GALNT13: variants seen among roughly 807,000 people sequenced by gnomAD.
GALNT13 encodes UDP-GalNAc:polypeptide N-acetylgalactosaminyltransferase 13.
In GALNT13, 28 loss-of-function variants were observed where a neutral mutation model predicts 64.2. The ratio of observed to expected loss-of-function variants is 0.44; its 90% CI spans 0.32 to 0.60. The LOEUF (loss-of-function observed/expected upper bound fraction) is 0.60, where lower values mean the gene tolerates loss of function less well. GALNT13 is among the 20% of genes least tolerant of loss of function. The probability of loss-of-function intolerance (pLI) is 0.05; values close to 1 mark genes in which losing one functional copy is unlikely to be tolerated. For missense variants in GALNT13, 577 were observed against 669.8 expected (o/e 0.86, Z 1.53); for synonymous variants, 214 against 224.6 (o/e 0.95, Z 0.42).
intron 4 of GALNT13, among the ~76,000 whole-genome samples, chr2:154,159,847 A>G (rs994083255): frequency 1.3e-5 from 2 of 152,218 alleles, no homozygotes; most frequent in Non-Finnish European, 2.9e-5. Flanking sequence ...ACATTATTAC[A>G]ATTAAAGTTG....
At chr2:154,393,951 G>A (rs13011857) in intron 9 of GALNT13, among the ~76,000 whole-genome samples, 8,412 of 148,744 alleles carry the variant, frequency 0.057, 262 homozygotes, top group Middle Eastern at 0.12. Context: ...AGTGGCGGGC[G>A]CCTGTAGTCC....
chr2:153,151,999 T>G, the GALNT13 span, among the ~76,000 whole-genome samples: 1 of 151,924 alleles, frequency 6.6e-6, no homozygotes, highest in Non-Finnish European at 1.5e-5. Flanking sequence ...AAAATTTACC[T>G]ATAAAATGTT....
At chr2:153,208,316 A>G in the GALNT13 span, among the ~76,000 whole-genome samples, 2 of 152,148 alleles carry the variant, frequency 1.3e-5, no homozygotes, top group South Asian at 2.1e-4. Flanking sequence ...TATATTCCCA[A>G]TCCCTGGCAA....
At chr2:153,128,802 G>A in the GALNT13 span, among the ~76,000 whole-genome samples, 2 of 152,046 alleles carry the variant, frequency 1.3e-5, no homozygotes, top group Non-Finnish European at 2.9e-5. Context: ...CATGGTGGAA[G>A]GTAAGGAGGA....
intron 3 of GALNT13, among the ~76,000 whole-genome samples, chr2:154,121,248 G>T (rs1359455444): frequency 2.0e-5 from 3 of 152,158 alleles, no homozygotes; most frequent in African/African-American, 7.2e-5. Flanking sequence ...GTGGAAAGTT[G>T]CTAGGTGAAC....
At chr2:153,812,439 G>T in the GALNT13 span, among the ~76,000 whole-genome samples, 1 of 152,162 alleles carries the variant, frequency 6.6e-6, no homozygotes, top group Non-Finnish European at 1.5e-5. Flanking sequence ...GCAAGGGAAA[G>T]AGAAGGGAAA....
chr2:154,032,051 C>T (rs1365479105), intron 3 of GALNT13, among the ~76,000 whole-genome samples: 2 of 151,546 alleles, frequency 1.3e-5, no homozygotes, highest in Non-Finnish European at 2.9e-5. Flanking sequence ...TCTAATCTAC[C>T]ATCCTAAGAT....
the GALNT13 span, among the ~76,000 whole-genome samples, chr2:153,082,650 C>T: frequency 1.1e-5 from 1 of 94,352 alleles, no homozygotes; most frequent in Non-Finnish European, 2.2e-5. Context: ...CACACACACA[C>T]ACACACACAC....
At chr2:154,415,701 T>G (rs1370842202) in intron 11 of GALNT13, among the ~76,000 whole-genome samples, 4 of 152,196 alleles carry the variant, frequency 2.6e-5, no homozygotes, top group Non-Finnish European at 1.5e-5. Flanking sequence ...ACAAATACTT[T>G]GTTTCATTAC....
chr2:153,526,062 A>T, the GALNT13 span, among the ~76,000 whole-genome samples: 11 of 152,338 alleles, frequency 7.2e-5, no homozygotes, highest in African/African-American at 2.6e-4. Context: ...ATACATCTAA[A>T]GTATTGTACT....
the GALNT13 span, among the ~76,000 whole-genome samples, chr2:153,189,559 A>C: frequency 6.6e-6 from 1 of 152,188 alleles, no homozygotes; most frequent in African/African-American, 2.4e-5. Context: ...TATAATAAAC[A>C]TAAGAGTGCA....
intron 3 of GALNT13, among the ~76,000 whole-genome samples, chr2:153,969,263 A>G (rs991167181): frequency 6.6e-6 from 1 of 152,090 alleles, no homozygotes; most frequent in Non-Finnish European, 1.5e-5. Context: ...ATATTAATAT[A>G]CACACCCCAT....
chr2:153,863,876 T>A, the GALNT13 span, among the ~76,000 whole-genome samples: 1 of 152,088 alleles, frequency 6.6e-6, no homozygotes, highest in South Asian at 2.1e-4. Context: ...AGTGAAAAAA[T>A]CTTGAGAGAT....
chr2:154,341,006 G>C (rs959630007), intron 9 of GALNT13, among the ~76,000 whole-genome samples: 1 of 151,872 alleles, frequency 6.6e-6, no homozygotes, highest in South Asian at 2.1e-4. Flanking sequence ...ATAATACATA[G>C]ATATTTTATT....
At chr2:153,248,747 C>T in the GALNT13 span, among the ~76,000 whole-genome samples, 2 of 141,568 alleles carry the variant, frequency 1.4e-5, no homozygotes, top group Admixed American at 7.6e-5. Flanking sequence ...ACCCAGGAAG[C>T]GGAGCTTGCA....
chr2:154,235,820 G>A (rs1689164071), intron 4 of GALNT13, among the ~76,000 whole-genome samples: 1 of 152,080 alleles, frequency 6.6e-6, no homozygotes, highest in South Asian at 2.1e-4. Context: ...GGCATGTTGT[G>A]TTCAGTAGCT....
chr2:153,674,033 T>A, the GALNT13 span, among the ~76,000 whole-genome samples: 21 of 152,270 alleles, frequency 1.4e-4, no homozygotes, highest in African/African-American at 4.8e-4. Flanking sequence ...TACAAACCAC[T>A]GCTCAATGAA....
chr2:153,891,854 T>C (rs902915288), intron 1 of GALNT13, among the ~76,000 whole-genome samples: 1 of 151,978 alleles, frequency 6.6e-6, no homozygotes, highest in African/African-American at 2.4e-5. Context: ...GCCTTGCATC[T>C]CACTTTTTAC....
chr2:154,402,460 T>C (rs1347407271), intron 10 of GALNT13, among the ~76,000 whole-genome samples: 1 of 152,224 alleles, frequency 6.6e-6, no homozygotes, highest in African/African-American at 2.4e-5. Flanking sequence ...GTTTGTGTCA[T>C]TAAGAATTGT....
Sources: gnomAD v4.1 joint callset for allele counts (sites outside exome capture counted in the v4.1 genomes callset) on GRCh38, gnomAD v4.1.1 for gene constraint, MANE v1.5 for transcripts, NCBI Gene and HGNC (gene_info 2026-07-23, HGNC 2026-07-21) for gene names.